Variants in LHFPL3 observed in about 807,000 individuals in gnomAD.
The protein encoded by LHFPL3 is LHFPL tetraspan subfamily member 3, also known as LHFPL tetraspan subfamily member 3 protein.
A neutral mutation model predicts 19.3 loss-of-function variants in LHFPL3; 5 were observed. That is an observed-to-expected ratio of 0.26 (90% CI 0.14 to 0.54). The LOEUF (loss-of-function observed/expected upper bound fraction) is 0.54, where lower values mean the gene tolerates loss of function less well. Among genes scored for constraint, LHFPL3 ranks in the 20% least tolerant of loss-of-function variants. The pLI is 0.94. For synonymous variants in LHFPL3, 133 were observed against 126.2 expected, an observed-to-expected ratio of 1.05 and a Z score of -0.36; for missense variants, 249 against 307.4, an observed-to-expected ratio of 0.81 and a Z score of 1.42.
chr7:104,608,704 G>A (rs144447839), intron 1 of LHFPL3, among the ~76,000 whole-genome samples: 117 of 152,196 alleles, frequency 7.7e-4, no homozygotes, highest in African/African-American at 2.6e-3. Context: ...AAGGCACCAC[G>A]CCTGGCAGTT....
Position 104,908,150 on chromosome 7 carries a change from T to C in LHFPL3, c.*1935T>C, listed in dbSNP as rs984442036. On this transcript the variant is annotated 3_prime_UTR_variant, in exon 3 of 3. Transcript: ENST00000424859. ...AAGGGTATTGGCTTTCTCTAATCCATGCAAACTACAAATTCCATCGGGAGT... is the reference window on the plus strand; with the variant it reads ...AAGGGTATTGGCTTTCTCTAATCCACGCAAACTACAAATTCCATCGGGAGT... 2.0e-5 allele frequency among the ~76,000 whole-genome samples: 3 copies of C among 152,224 alleles called. No homozygotes were observed. The South Asian group carries it at 6.2e-4, about 32-fold the overall frequency.
At chr7:104,633,566 C>T (rs1791680647) in intron 1 of LHFPL3, among the ~76,000 whole-genome samples, 2 of 152,186 alleles carry the variant, frequency 1.3e-5, no homozygotes, top group Admixed American at 1.3e-4. Context: ...AAGAAATCAC[C>T]TCGGCTTGCC....
intron 1 of LHFPL3, among the ~76,000 whole-genome samples, chr7:104,597,253 A>G (rs539074487): frequency 6.6e-6 from 1 of 152,220 alleles, no homozygotes; most frequent in African/African-American, 2.4e-5. Flanking sequence ...TTTCTTTTGC[A>G]TATTACTTAA....
At chr7:104,647,592 A>G (rs1791955535) in intron 1 of LHFPL3, among the ~76,000 whole-genome samples, 1 of 152,242 alleles carries the variant, frequency 6.6e-6, no homozygotes, top group South Asian at 2.1e-4. Flanking sequence ...TTTCAGTTGC[A>G]AGTAGCAGCA....
intron 1 of LHFPL3, among the ~76,000 whole-genome samples, chr7:104,710,371 T>C (rs1793278093): frequency 6.6e-6 from 1 of 152,214 alleles, no homozygotes; most frequent in Non-Finnish European, 1.5e-5. Flanking sequence ...AGTTATTGAC[T>C]TTCATTAGTT....
intron 1 of LHFPL3, among the ~76,000 whole-genome samples, chr7:104,438,051 C>A (rs191512870): frequency 6.6e-6 from 1 of 152,216 alleles, no homozygotes; most frequent in Non-Finnish European, 1.5e-5. Context: ...CAAGAAATTC[C>A]AAGGAATTGG....
chr7:104,717,049 T>C (rs1030903244), intron 1 of LHFPL3, among the ~76,000 whole-genome samples: 1 of 152,008 alleles, frequency 6.6e-6, no homozygotes, highest in African/African-American at 2.4e-5. Flanking sequence ...CTTCTACAGG[T>C]GTACCAAAAA....
At chr7:104,461,139 A>T (rs1483191457) in intron 1 of LHFPL3, among the ~76,000 whole-genome samples, 1 of 152,232 alleles carries the variant, frequency 6.6e-6, no homozygotes, top group African/African-American at 2.4e-5. Context: ...AGGCAAACAC[A>T]TCTTTCTTCA....
In LHFPL3 at chr7:104,852,340, T is replaced by G. The variant is rs1167987703; in HGVS notation, c.683-53847T>G. Reference sequence around the variant, plus strand: ...TAAACTTACTCAGTGTCCAGAAATGTGCAGCCTGCTGCCCCCAGCAGTGGG... The same window carrying G: ...TAAACTTACTCAGTGTCCAGAAATGGGCAGCCTGCTGCCCCCAGCAGTGGG... On this transcript the variant is annotated intron_variant, in intron 2 of 2. Transcript: ENST00000424859. 2.0e-5 allele frequency among the ~76,000 whole-genome samples: 3 copies of G among 152,228 alleles called. No homozygotes were observed. The East Asian group carries it at 5.8e-4, about 29-fold the overall frequency.
rs142785501 is a variant in LHFPL3, at chr7:104,371,682, A to T, written c.445+42458A>T. Among the ~76,000 whole-genome samples the T allele has an allele frequency of 4.1e-3, 625 of 152,178 alleles. 8 individuals are homozygous for T. Among genetic ancestry groups the T allele is most frequent in the African/African-American group, 0.015 (607 of 41,504 alleles). On this transcript the variant is annotated intron_variant, in intron 1 of 2. Transcript: ENST00000424859. ...TTATATGAGTCACAATGTAAATGTT[A>T]TACATGCATAATCAGTTCAATAGGC...
At chr7:104,721,992 A>T (rs1423104406) in intron 1 of LHFPL3, among the ~76,000 whole-genome samples, 1 of 152,192 alleles carries the variant, frequency 6.6e-6, no homozygotes, top group Non-Finnish European at 1.5e-5. Context: ...GGTGCTCTAG[A>T]GATCAGAACT....
chr7:104,732,987 T>C (rs930461704), intron 1 of LHFPL3, among the ~76,000 whole-genome samples: 2 of 152,218 alleles, frequency 1.3e-5, no homozygotes, highest in East Asian at 1.9e-4. Context: ...ATGTACCCCA[T>C]AGTCATTCAG....
chr7:104,584,832 G>A (rs1790534315), intron 1 of LHFPL3, among the ~76,000 whole-genome samples: 1 of 152,176 alleles, frequency 6.6e-6, no homozygotes, highest in South Asian at 2.1e-4. Context: ...GGTCTACAGA[G>A]TAAACAGAAG....
intron 1 of LHFPL3, among the ~76,000 whole-genome samples, chr7:104,595,690 G>A (rs1242538849): frequency 6.6e-6 from 1 of 152,260 alleles, no homozygotes; most frequent in African/African-American, 2.4e-5. Flanking sequence ...GAGGCAGTAG[G>A]CCTTGTTGAG....
At position 104,557,205 on chromosome 7, in the gene LHFPL3, C is replaced by T. The variant is rs143400482; in HGVS notation, c.446-179470C>T. On this transcript the variant is annotated intron_variant, in intron 1 of 2. Transcript: ENST00000424859. Reference sequence around the variant, plus strand: ...ATTTTCAGGTATCTTTTCAGCAACACCCCACTCTACTGGTACCAATTTACT... The same window carrying T: ...ATTTTCAGGTATCTTTTCAGCAACATCCCACTCTACTGGTACCAATTTACT... Among the ~76,000 whole-genome samples, 1,387 of 152,296 alleles carry T rather than the reference C, an allele frequency of 9.1e-3. 8 individuals are homozygous for T. The highest frequency in any genetic ancestry group is 0.011 in the Admixed American group (163 of 15,304).
chr7:104,561,123 A>G (rs1407376936), intron 1 of LHFPL3, among the ~76,000 whole-genome samples: 4 of 152,068 alleles, frequency 2.6e-5, no homozygotes, highest in Non-Finnish European at 5.9e-5. Context: ...ATTTTGGAAT[A>G]GGTGTGGTGT....
At chr7:104,355,116 C>T (rs1790249911) in intron 1 of LHFPL3, among the ~76,000 whole-genome samples, 1 of 152,142 alleles carries the variant, frequency 6.6e-6, no homozygotes, top group Admixed American at 6.5e-5. Context: ...GAAAGCTCTT[C>T]CTGTATTGGG....
intron 1 of LHFPL3, among the ~76,000 whole-genome samples, chr7:104,346,259 C>T (rs887167739): frequency 1.3e-5 from 2 of 151,570 alleles, no homozygotes; most frequent in African/African-American, 4.8e-5. Flanking sequence ...TGGTCTCGAA[C>T]TCCTGACCTC....
intron 1 of LHFPL3, among the ~76,000 whole-genome samples, chr7:104,698,408 A>G (rs1430552515): frequency 1.3e-5 from 2 of 152,206 alleles, no homozygotes; most frequent in East Asian, 1.9e-4. Flanking sequence ...GGTTTCAGTC[A>G]AAGTTTAAAA....
Sources: gnomAD v4.1 joint callset for allele counts (sites outside exome capture counted in the v4.1 genomes callset) on GRCh38, gnomAD v4.1.1 for gene constraint, MANE v1.5 for transcripts, NCBI Gene and HGNC (gene_info 2026-07-23, HGNC 2026-07-21) for gene names.